TMEM245: variants seen among roughly 807,000 people sequenced by gnomAD.
TMEM245 encodes the protein protein CG-2.
In TMEM245, 69 loss-of-function variants were observed where a neutral mutation model predicts 101.2. That is an observed-to-expected ratio of 0.68 (90% CI 0.56 to 0.83). The LOEUF is 0.83. Ranked by LOEUF, TMEM245 falls within the 40% of genes least tolerant of loss-of-function variation. The pLI is 0.00. For missense variants in TMEM245, 1,075 were observed against 1,092.8 expected, an observed-to-expected ratio of 0.98 and a Z score of 0.23; for synonymous variants, 537 against 449.8, an observed-to-expected ratio of 1.19 and a Z score of -2.45.
Position 109,089,850 on chromosome 9 carries a change from A to G in TMEM245, c.1150+1072T>C, listed in dbSNP as rs371919844. Among the ~76,000 whole-genome samples the G allele has an allele frequency of 9.2e-4, 140 of 152,338 alleles. 3 individuals carry two copies. The South Asian group carries it at 0.026, about 28-fold the overall frequency. ...TACATATAATATAGATATACATGTA[A>G]TTTAATTTTTCTGCCAAATCACAAG... On this transcript the variant is annotated intron_variant, in intron 5 of 17. Coordinates refer to ENST00000374586, the MANE Select transcript of TMEM245 (RefSeq NM_032012.4).
intron 17 of TMEM245, among the ~76,000 whole-genome samples, chr9:109,022,881 T>C (rs959389663): frequency 2.0e-5 from 3 of 152,244 alleles, no homozygotes; most frequent in Non-Finnish European, 4.4e-5. Context: ...TTTTCAAATT[T>C]CTCAGATACC....
intron 3 of TMEM245, among the ~76,000 whole-genome samples, chr9:109,102,515 T>C (rs1238810346): frequency 6.6e-6 from 1 of 152,216 alleles, no homozygotes; most frequent in Non-Finnish European, 1.5e-5. Context: ...ATGTTAAAAA[T>C]AATGCTCTAT....
intron 3 of TMEM245, among the ~76,000 whole-genome samples, chr9:109,104,382 A>C (rs1255024253): frequency 6.6e-6 from 1 of 152,230 alleles, no homozygotes; most frequent in Non-Finnish European, 1.5e-5. Context: ...AAGAGTAACG[A>C]AATAAATGGA....
chr9:109,039,940 T>C, intron 14 of TMEM245, among the ~76,000 whole-genome samples: 1 of 152,064 alleles, frequency 6.6e-6, no homozygotes, highest in Admixed American at 6.5e-5. Flanking sequence ...CTTATGTTAT[T>C]TAAAAAATTT....
intron 17 of TMEM245, 101 bp from the exon 18 acceptor site, chr9:109,020,606 T>A (rs1366449314): frequency 3.9e-6 from 4 of 1,036,402 alleles, no homozygotes; most frequent in Non-Finnish European, 5.7e-6. Context: ...GTCACTATTT[T>A]TTCTTAAGAT....
intron 1 of TMEM245, among the ~76,000 whole-genome samples, chr9:109,111,515 A>G (rs1830566436): frequency 6.6e-6 from 1 of 152,044 alleles, no homozygotes; most frequent in Non-Finnish European, 1.5e-5. Context: ...ATGTATTTTC[A>G]TCTATCAACC....
At chr9:109,063,387 C>T (rs544088819) in intron 10 of TMEM245, among the ~76,000 whole-genome samples, 1 of 152,304 alleles carries the variant, frequency 6.6e-6, no homozygotes, top group South Asian at 2.1e-4. Context: ...TCCCAAAGTG[C>T]TTGGATTATA....
At chr9:109,035,618 A>T (rs1202452834) in intron 16 of TMEM245, among the ~76,000 whole-genome samples, 1 of 152,180 alleles carries the variant, frequency 6.6e-6, no homozygotes, top group Admixed American at 6.5e-5. Context: ...CAAAGAAGAG[A>T]TAAAAATAAT....
At chr9:109,033,634 C>G (rs1383245109) in intron 16 of TMEM245, 133 bp from the exon 17 acceptor site, 1 of 751,300 alleles carries the variant, frequency 1.3e-6, no homozygotes, top group Non-Finnish European at 2.0e-6. Flanking sequence ...CACCTCGATG[C>G]ATACAACTGA....
chr9:109,077,460 G>A (rs1374965205), intron 8 of TMEM245, among the ~76,000 whole-genome samples: 1 of 152,078 alleles, frequency 6.6e-6, no homozygotes, highest in Non-Finnish European at 1.5e-5. Context: ...GCTTTTAAAA[G>A]GCTTCTAAAT....
In TMEM245 at chr9:109,091,127, T is replaced by C. The variant is rs1471090483; in HGVS notation, c.945A>G (p.Pro315=). ...AGGGTGAAGGGGAGGTGGACAACGT[T>C]GGAGCGGATTCTCCCCTGTCCACTG... The part of the protein sequence containing the change: ...AEAVDRGESA[P]TLSTSPSPSS... Residue 315 remains proline, a synonymous_variant, in exon 5 of 18, where the codon CCA becomes CCG. Transcript: ENST00000374586. The C allele has an allele frequency of 1.2e-6, 2 of 1,613,982 alleles. No homozygotes were observed. Among genetic ancestry groups the C allele is most frequent in the African/African-American group, 1.3e-5 (1 of 75,038 alleles).
intron 3 of TMEM245, among the ~76,000 whole-genome samples, chr9:109,106,247 T>A (rs1017843437): frequency 6.6e-6 from 1 of 151,644 alleles, no homozygotes; most frequent in African/African-American, 2.4e-5. Flanking sequence ...AAAAATATTT[T>A]ATTTTATAAA....
chr9:109,095,688 T>A (rs1830122024), intron 3 of TMEM245, among the ~76,000 whole-genome samples: 1 of 152,214 alleles, frequency 6.6e-6, no homozygotes, highest in Non-Finnish European at 1.5e-5. Flanking sequence ...GATAAAAGTA[T>A]ACTCATATGC....
chr9:109,096,648 A>C (rs891416008), intron 3 of TMEM245, among the ~76,000 whole-genome samples: 2 of 152,232 alleles, frequency 1.3e-5, no homozygotes, highest in Non-Finnish European at 2.9e-5. Flanking sequence ...ATGGCCTGGG[A>C]CAGTACAGTA....
intron 1 of TMEM245, among the ~76,000 whole-genome samples, chr9:109,114,079 A>C (rs1457164329): frequency 7.0e-6 from 1 of 142,304 alleles, no homozygotes; most frequent in Non-Finnish European, 1.6e-5. Context: ...TCCATCCCCA[A>C]AACAAAACAA....
intron 12 of TMEM245, among the ~76,000 whole-genome samples, chr9:109,053,080 T>A (rs561151646): frequency 6.6e-6 from 1 of 152,148 alleles, no homozygotes; most frequent in African/African-American, 2.4e-5. Flanking sequence ...GCAGGCACAA[T>A]AGCAAGGCCC....
In TMEM245 at chr9:109,050,657, A is replaced by G. The variant is rs777334858; in HGVS notation, c.1890T>C (p.Asn630=). Residue 630 remains asparagine, a synonymous_variant, in exon 13 of 18, where the codon AAT becomes AAC. Transcript: ENST00000374586. ...TGACAGTGGTGAACAGCAGGCTCACATTCCGGCTCATAACGATCCACAGAG... is the reference window on the plus strand; with the variant it reads ...TGACAGTGGTGAACAGCAGGCTCACGTTCCGGCTCATAACGATCCACAGAG... The part of the protein sequence containing the change: ...LESLWIVMSR[N]VSLLFTTVTT... 11 of 1,613,226 alleles carry G rather than the reference A, an allele frequency of 6.8e-6. No homozygotes were observed. The South Asian group carries it at 8.8e-5, about 13-fold the overall frequency.
chr9:109,047,318 A>C (rs1828529097), intron 14 of TMEM245, among the ~76,000 whole-genome samples: 2 of 152,220 alleles, frequency 1.3e-5, no homozygotes, highest in Non-Finnish European at 2.9e-5. Flanking sequence ...AGTCGAATCT[A>C]ATTTGTAAAA....
At chr9:109,029,946 A>C (rs551429188) in intron 17 of TMEM245, among the ~76,000 whole-genome samples, 1 of 152,370 alleles carries the variant, frequency 6.6e-6, no homozygotes, top group South Asian at 2.1e-4. Flanking sequence ...AAGAGAAAGC[A>C]AAAGTCGTAT....
Sources: gnomAD v4.1 joint callset for allele counts (sites outside exome capture counted in the v4.1 genomes callset) on GRCh38, gnomAD v4.1.1 for gene constraint, MANE v1.5 for transcripts, NCBI Gene and HGNC (gene_info 2026-07-23, HGNC 2026-07-21) for gene names.